Variants in SGK3 observed in about 807,000 individuals in gnomAD.
The protein encoded by SGK3 is serine/threonine-protein kinase Sgk3.
SGK3 carries 47 observed loss-of-function variants against 68.5 expected under a neutral mutation model. That is an observed-to-expected ratio of 0.69 (90% CI 0.54 to 0.87). SGK3 has a LOEUF of 0.87. Among genes scored for constraint, SGK3 ranks in the 40% least tolerant of loss-of-function variants. The probability of loss-of-function intolerance (pLI) is 0.00; values close to 1 mark genes in which losing one functional copy is unlikely to be tolerated. For synonymous variants in SGK3, 181 were observed against 189.1 expected (o/e 0.96, Z 0.35); for missense variants, 479 against 575.5 (o/e 0.83, Z 1.72).
At chr8:66,725,054 A>T (rs1166938023) in intron 1 of SGK3, among the ~76,000 whole-genome samples, 1 of 151,794 alleles carries the variant, frequency 6.6e-6, no homozygotes. Context: ...GTGAAACCCC[A>T]TCTCTACTAA....
chr8:66,769,520 G>A (rs889490240), intron 1 of SGK3, among the ~76,000 whole-genome samples: 3 of 152,092 alleles, frequency 2.0e-5, no homozygotes, highest in African/African-American at 4.8e-5. Flanking sequence ...CACCGCACCC[G>A]GCCTTAATTC....
chr8:66,847,060 G>A, intron 14 of SGK3, 133 bp from the exon 15 acceptor site: 1 of 1,256,868 alleles, frequency 8.0e-7, no homozygotes, highest in Non-Finnish European at 1.1e-6. Context: ...AAGCCACACT[G>A]CAGGTGTCTA....
intron 3 of SGK3, among the ~76,000 whole-genome samples, chr8:66,803,163 A>C (rs1442305244): frequency 6.6e-6 from 1 of 151,890 alleles, no homozygotes; most frequent in Admixed American, 6.6e-5. Context: ...TTTCCTTTAC[A>C]CATTTTTTGT....
chr8:66,835,277 C>T lies in SGK3; in HGVS notation c.526-486C>T, dbSNP rs1461288045. Among the ~76,000 whole-genome samples, 6 of 152,188 alleles carry T rather than the reference C, an allele frequency of 3.9e-5. No homozygotes were observed. The East Asian group carries it at 1.2e-3, about 29-fold the overall frequency. Reference sequence around the variant, plus strand: ...TTCTTCAGATTCTTTAAAGCGTCTGCATGGGACCCAGCCCACTATAGAAAT... The same window carrying T: ...TTCTTCAGATTCTTTAAAGCGTCTGTATGGGACCCAGCCCACTATAGAAAT... On this transcript the variant is annotated intron_variant, in intron 8 of 16. Transcript: ENST00000521198.
intron 1 of SGK3, among the ~76,000 whole-genome samples, chr8:66,718,757 ACCTC>A (rs1451835608): frequency 2.0e-5 from 3 of 151,844 alleles, no homozygotes; most frequent in Non-Finnish European, 4.4e-5. Context: ...CAAACTCCCG[ACCTC>A]AGATAATCCG....
At chr8:66,781,059 T>G (rs1163616149) in intron 1 of SGK3, among the ~76,000 whole-genome samples, 1 of 152,188 alleles carries the variant, frequency 6.6e-6, no homozygotes, top group Non-Finnish European at 1.5e-5. Context: ...CCCATCCATC[T>G]GCCAGTCACC....
chr8:66,834,464 G>GGTTTT (rs147634357), intron 8 of SGK3, among the ~76,000 whole-genome samples: 11,798 of 151,256 alleles, frequency 0.078, 1,242 homozygotes, highest in African/African-American at 0.24. Flanking sequence ...CTACTGGCAG[G>GGTTTT]GTTTTGTTTT....
At chr8:66,831,604 G>T (rs1057205671) in intron 8 of SGK3, among the ~76,000 whole-genome samples, 1 of 152,158 alleles carries the variant, frequency 6.6e-6, no homozygotes, top group Non-Finnish European at 1.5e-5. Flanking sequence ...CTCCCAAAGT[G>T]CTGGGATTAC....
intron 1 of SGK3, chr8:66,775,238 G>C (rs1350982724): frequency 1.3e-5 from 2 of 152,476 alleles, no homozygotes; most frequent in Admixed American, 1.3e-4. Flanking sequence ...GGAGCTGGTG[G>C]CGCGGCGCAG....
intron 1 of SGK3, among the ~76,000 whole-genome samples, chr8:66,774,067 C>T (rs908217687): frequency 2.0e-5 from 3 of 152,264 alleles, no homozygotes; most frequent in East Asian, 1.9e-4. Context: ...TGCATCCTTT[C>T]CCCTCTCCTA....
At chr8:66,723,118 TATATATA>T (rs1804861159) in intron 1 of SGK3, among the ~76,000 whole-genome samples, 6 of 53,374 alleles carry the variant, frequency 1.1e-4, no homozygotes, top group African/African-American at 5.0e-4. Flanking sequence ...TATATATATA[TATATATA>T]TATATATTTT....
intron 15 of SGK3, among the ~76,000 whole-genome samples, chr8:66,847,769 G>A (rs1032537317): frequency 1.3e-5 from 2 of 151,890 alleles, no homozygotes; most frequent in Non-Finnish European, 2.9e-5. Context: ...GAGGGTTTGG[G>A]ACTATCTAAA....
At chr8:66,755,347 G>A (rs960371191) in intron 1 of SGK3, among the ~76,000 whole-genome samples, 1 of 151,828 alleles carries the variant, frequency 6.6e-6, no homozygotes, top group African/African-American at 2.4e-5. Context: ...TTAAAAGATT[G>A]TTGTACAATA....
chr8:66,780,974 T>C (rs754829417), intron 1 of SGK3, among the ~76,000 whole-genome samples: 6 of 152,102 alleles, frequency 3.9e-5, no homozygotes, highest in Non-Finnish European at 5.9e-5. Context: ...GGGTTTTGTT[T>C]TGTTTTGTTT....
At chr8:66,737,919 G>A (rs1191491767) in intron 1 of SGK3, among the ~76,000 whole-genome samples, 2 of 151,678 alleles carry the variant, frequency 1.3e-5, no homozygotes, top group African/African-American at 2.4e-5. Flanking sequence ...CCCAGCCCCG[G>A]ACCTTTATGT....
intron 1 of SGK3, among the ~76,000 whole-genome samples, chr8:66,741,779 A>G (rs945304230): frequency 1.3e-5 from 2 of 152,240 alleles, no homozygotes; most frequent in African/African-American, 2.4e-5. Flanking sequence ...TTCACCAAAT[A>G]TTTATTGAGT....
chr8:66,843,614 C>A (rs1413655360), intron 14 of SGK3, 67 bp downstream of exon 14: 2 of 1,502,706 alleles, frequency 1.3e-6, no homozygotes, highest in African/African-American at 1.4e-5. Flanking sequence ...CTGTCTCTCC[C>A]ACCTTAAGAA....
chr8:66,760,724 T>G (rs746844947), intron 1 of SGK3, among the ~76,000 whole-genome samples: 4 of 152,152 alleles, frequency 2.6e-5, no homozygotes, highest in Admixed American at 2.6e-4. Context: ...AAAAATGAGA[T>G]TCTATGAAAA....
chr8:66,801,149 T>G (rs187063013), intron 3 of SGK3, among the ~76,000 whole-genome samples: 31 of 152,320 alleles, frequency 2.0e-4, no homozygotes, highest in South Asian at 6.2e-4. Flanking sequence ...GATTTCAAAT[T>G]TTTTCAAATT....
Sources: allele counts gnomAD v4.1 joint callset (sites outside exome capture counted in the v4.1 genomes callset), GRCh38; gene constraint gnomAD v4.1.1; transcripts MANE v1.5; gene names NCBI Gene and HGNC (gene_info 2026-07-23, HGNC 2026-07-21).